CTNNA1: variants seen among roughly 807,000 people sequenced by gnomAD.
CTNNA1 encodes the protein catenin alpha-1.
Under a neutral mutation model 98.4 loss-of-function variants are expected in CTNNA1, and 37 were observed. That is an observed-to-expected ratio of 0.38 (90% CI 0.29 to 0.49). CTNNA1 has a LOEUF of 0.49. CTNNA1 is among the 20% of genes least tolerant of loss of function. CTNNA1 has a pLI of 0.95. For missense variants in CTNNA1, 761 were observed against 1,147.2 expected (o/e 0.66, Z 4.86); for synonymous variants, 404 against 413.2 (o/e 0.98, Z 0.27).
intron 10 of CTNNA1, among the ~76,000 whole-genome samples, chr5:138,911,790 T>C (rs1009710997): frequency 6.6e-6 from 1 of 152,214 alleles, no homozygotes; most frequent in Non-Finnish European, 1.5e-5. Flanking sequence ...ACAGATGGTA[T>C]TGTACTAATC....
chr5:138,931,501 C>T (rs539599419), intron 16 of CTNNA1: 270 of 727,370 alleles, frequency 3.7e-4, no homozygotes, highest in Non-Finnish European at 4.5e-4. Context: ...TCATCTAGGC[C>T]ACAGGATGTG....
chr5:138,887,385 C>T (rs1441150015), intron 8 of CTNNA1, 105 bp from the exon 9 acceptor site: 2 of 781,992 alleles, frequency 2.6e-6, no homozygotes, highest in Non-Finnish European at 4.0e-6. Flanking sequence ...TGCAGCAAGT[C>T]TACCGTAAGC....
chr5:138,881,267 C>A (rs1752843386), intron 7 of CTNNA1: 1 of 351,782 alleles, frequency 2.8e-6, no homozygotes. Flanking sequence ...GAATACAGGA[C>A]TATATAATCA....
intron 7 of CTNNA1, chr5:138,875,325 G>A (rs1561626440): frequency 1.4e-5 from 13 of 921,978 alleles, no homozygotes; most frequent in South Asian, 4.6e-5. Flanking sequence ...TCCGAGAAAC[G>A]GCACAAGAAT....
intron 9 of CTNNA1, among the ~76,000 whole-genome samples, chr5:138,892,358 G>C (rs1364042238): frequency 7.2e-5 from 1 of 13,834 alleles, no homozygotes; most frequent in Non-Finnish European, 1.5e-4. Context: ...TTTTTTTTTT[G>C]AGACAGAGTC....
intron 1 of CTNNA1, among the ~76,000 whole-genome samples, chr5:138,766,631 A>G (rs1390632392): frequency 6.6e-6 from 1 of 152,036 alleles, no homozygotes; most frequent in Non-Finnish European, 1.5e-5. Flanking sequence ...GAGAAAGAAA[A>G]TGAGGCTAGA....
intron 11 of CTNNA1, among the ~76,000 whole-genome samples, chr5:138,919,151 G>A (rs1427553849): frequency 1.3e-5 from 2 of 152,180 alleles, no homozygotes; most frequent in African/African-American, 2.4e-5. Flanking sequence ...ATCTTTGCAG[G>A]TGCCAGAAAT....
intron 3 of CTNNA1, among the ~76,000 whole-genome samples, chr5:138,800,728 G>A (rs1028037814): frequency 4.6e-5 from 7 of 152,118 alleles, no homozygotes; most frequent in African/African-American, 1.2e-4. Context: ...ACTTGAACCT[G>A]GGAGACGGAG....
chr5:138,905,496 T>C (rs1043360142), intron 10 of CTNNA1, among the ~76,000 whole-genome samples: 26 of 152,216 alleles, frequency 1.7e-4, no homozygotes, highest in African/African-American at 6.3e-4. Context: ...GGAAACCAAA[T>C]TCACAAGCTA....
At chr5:138,852,138 G>T (rs1285783859) in intron 7 of CTNNA1, among the ~76,000 whole-genome samples, 1 of 152,176 alleles carries the variant, frequency 6.6e-6, no homozygotes, top group Admixed American at 6.5e-5. Flanking sequence ...TAGTGCTATA[G>T]TTCTGGAGCA....
chr5:138,789,187 TTC>T lies in CTNNA1; in HGVS notation c.301+5816_301+5817del, dbSNP rs777676069. Among the ~76,000 whole-genome samples, 536 of 67,568 alleles carry T rather than the reference TTC, an allele frequency of 7.9e-3. 2 individuals are homozygous for T. Among genetic ancestry groups the T allele is most frequent in the African/African-American group, 0.037 (504 of 13,528 alleles). 44.3% of individuals were successfully genotyped at this position (67,568 alleles called of 152,430 possible). A position where few individuals can be genotyped will look rare whatever the true frequency, so the allele number is the denominator to read the frequency against. ...ACATAGGAGGCTGTTTTTCCTGTTT[TTC>T]CCCCCCCCCAGAGCTTATAATGATA... On this transcript the variant is annotated intron_variant, in intron 3 of 17. Coordinates refer to ENST00000302763, the MANE Select transcript of CTNNA1 (RefSeq NM_001903.5).
intron 3 of CTNNA1, among the ~76,000 whole-genome samples, chr5:138,798,991 T>C (rs893180666): frequency 6.6e-6 from 1 of 152,058 alleles, no homozygotes; most frequent in African/African-American, 2.4e-5. Flanking sequence ...TAATTTTTTT[T>C]ATTAAAAAAA....
intron 6 of CTNNA1, among the ~76,000 whole-genome samples, chr5:138,827,251 A>G (rs1663374146): frequency 6.6e-6 from 1 of 152,182 alleles, no homozygotes; most frequent in Non-Finnish European, 1.5e-5. Context: ...AAGTTGTGTG[A>G]GCATGATATG....
At chr5:138,807,520 C>T (rs924475032) in intron 3 of CTNNA1, among the ~76,000 whole-genome samples, 38 of 151,982 alleles carry the variant, frequency 2.5e-4, no homozygotes, top group African/African-American at 8.9e-4. Flanking sequence ...TTCTTTCTTA[C>T]AGCTTGTATG....
intron 4 of CTNNA1, 27 bp downstream of exon 4, chr5:138,810,231 T>C: frequency 1.3e-6 from 2 of 1,599,226 alleles, no homozygotes; most frequent in Non-Finnish European, 1.7e-6. Context: ...ATGTCTGTAA[T>C]TTGTTCTATC....
At position 138,874,219 on chromosome 5, in the gene CTNNA1, T is replaced by C. The variant is rs778954851; in HGVS notation, c.1063-11993T>C. On this transcript the variant is annotated intron_variant, in intron 7 of 17. Coordinates refer to ENST00000302763, the MANE Select transcript of CTNNA1 (RefSeq NM_001903.5). The surrounding 1 kb of genome is among the most constrained non-coding windows in gnomAD (Gnocchi z 4.1). ...AAAATATTTTGTTGGAACTTAAGAT[T>C]AATTCCTTAAGTTTATATAGTCCTT... 6.2e-7 allele frequency: 1 copy of C among 1,613,958 alleles called. No individual in the cohort carries two copies. The highest frequency in any genetic ancestry group is 1.7e-5 in the Admixed American group (1 of 60,026).
intron 1 of CTNNA1, among the ~76,000 whole-genome samples, chr5:138,779,186 A>T (rs1308467285): frequency 6.6e-6 from 1 of 151,614 alleles, no homozygotes; most frequent in Non-Finnish European, 1.5e-5. Flanking sequence ...GCCAGTTTTC[A>T]CCCAGTAGTT....
Position 138,905,111 on chromosome 5 carries a change from A to ATACATACATAC in CTNNA1, c.1389+670_1389+671insTACATACATAC, listed in dbSNP as rs534764046. ...TCCGTCTCAAAAAAAAAAAAAAAAA[A>ATACATACATAC]ATACATACATACATACATAAATACA... On this transcript the variant is annotated intron_variant, in intron 10 of 17. Transcript: ENST00000302763. Among the ~76,000 whole-genome samples the ATACATACATAC allele has an allele frequency of 5.1e-3, 706 of 139,186 alleles. 2 individuals are homozygous for ATACATACATAC. Among genetic ancestry groups the ATACATACATAC allele is most frequent in the Middle Eastern group, 0.011 (3 of 270 alleles). 91.3% of individuals were successfully genotyped at this position (139,186 alleles called of 152,430 possible).
intron 7 of CTNNA1, among the ~76,000 whole-genome samples, chr5:138,884,078 G>T (rs1753516157): frequency 6.6e-6 from 1 of 152,194 alleles, no homozygotes; most frequent in Non-Finnish European, 1.5e-5. Context: ...GTCATACCTT[G>T]ATTTTATACA....
Sources: allele counts gnomAD v4.1 joint callset (sites outside exome capture counted in the v4.1 genomes callset), GRCh38; gene constraint gnomAD v4.1.1; non-coding constraint Gnocchi (gnomAD v3.1); transcripts MANE v1.5; gene names NCBI Gene and HGNC (gene_info 2026-07-23, HGNC 2026-07-21).